The following ERO1B variants were observed in gnomAD, a reference collection of about 807,000 sequenced individuals.
ERO1B encodes ERO1-like protein beta.
In ERO1B, 49 loss-of-function variants were observed where a neutral mutation model predicts 75.3. That is an observed-to-expected ratio of 0.65 (90% confidence interval 0.52 to 0.83). The LOEUF (loss-of-function observed/expected upper bound fraction) is 0.83. Ranked by LOEUF, ERO1B falls within the 40% of genes least tolerant of loss-of-function variation. ERO1B has a pLI of 0.00. For synonymous variants in ERO1B, 191 were observed against 192.9 expected (o/e 0.99, Z 0.08); for missense variants, 512 against 560.1 (o/e 0.91, Z 0.87).
intron 2 of ERO1B, among the ~76,000 whole-genome samples, chr1:236,260,102 C>CA (rs35755393): frequency 0.25 from 37,570 of 151,428 alleles, 4,806 homozygotes; most frequent in East Asian, 0.38. Flanking sequence ...TAAAGATAAA[C>CA]AAATAGACAA....
chr1:236,251,035 G>T (rs151037674), intron 4 of ERO1B, among the ~76,000 whole-genome samples: 141 of 152,180 alleles, frequency 9.3e-4, no homozygotes, highest in African/African-American at 3.2e-3. Flanking sequence ...TCCATCAATA[G>T]AGGAATGGCT....
At chr1:236,259,147 A>T (rs1381649270) in intron 2 of ERO1B, among the ~76,000 whole-genome samples, 3 of 152,242 alleles carry the variant, frequency 2.0e-5, no homozygotes, top group Admixed American at 6.5e-5. Context: ...GCAAGTGATC[A>T]AAGTTAAGTC....
chr1:236,273,182 G>A (rs1470194314), intron 1 of ERO1B, among the ~76,000 whole-genome samples: 1 of 152,140 alleles, frequency 6.6e-6, no homozygotes, highest in Non-Finnish European at 1.5e-5. Flanking sequence ...GTCAGAGAGA[G>A]ACTGGAAGAT....
intron 5 of ERO1B, among the ~76,000 whole-genome samples, chr1:236,246,348 T>C (rs1361620649): frequency 2.6e-5 from 4 of 151,984 alleles, no homozygotes; most frequent in Non-Finnish European, 5.9e-5. Context: ...TTTTTTTTAA[T>C]TTTTTGTAGA....
Position 236,230,153 on chromosome 1 carries a change from T to C in ERO1B, c.712+71A>G, listed in dbSNP as rs1664368975. 3 of 1,294,322 alleles carry C rather than the reference T, an allele frequency of 2.3e-6. No individual in the cohort carries two copies. In the African/African-American group the frequency reaches 4.5e-5, roughly 20 times the overall value. The allele number at this position is 1,294,322 out of a possible 1,614,324, so 80.2% of individuals were successfully genotyped here. ...TGACTAGGTAATAAAATCCTAGACCTTACAAAAATATGCTAAATAAATCAG... is the reference window on the plus strand; with the variant it reads ...TGACTAGGTAATAAAATCCTAGACCCTACAAAAATATGCTAAATAAATCAG... On this transcript the variant is annotated intron_variant, in intron 10 of 15. Coordinates refer to ENST00000354619, the MANE Select transcript of ERO1B (RefSeq NM_019891.4).
intron 8 of ERO1B, among the ~76,000 whole-genome samples, chr1:236,235,238 C>T (rs894556508): frequency 2.6e-5 from 4 of 152,160 alleles, no homozygotes; most frequent in Admixed American, 2.6e-4. Flanking sequence ...CATGAGTCGG[C>T]ACCTGAGGCA....
At chr1:236,240,914 G>C (rs1273165935) in intron 6 of ERO1B, among the ~76,000 whole-genome samples, 1 of 152,144 alleles carries the variant, frequency 6.6e-6, no homozygotes, top group African/African-American at 2.4e-5. Context: ...AGCGAGATGA[G>C]AGCAGGCTTT....
In ERO1B at chr1:236,267,051, C is replaced by A. The variant is rs558009600; in HGVS notation, c.222+2824G>T. Among the ~76,000 whole-genome samples the A allele has an allele frequency of 5.9e-5, 9 of 152,338 alleles. No homozygotes were observed. In the East Asian group the frequency reaches 1.7e-3, roughly 29 times the overall value. The stretch of plus-strand genomic sequence containing the variant: ...GGGAAACAATGACTCCACTTTTACT[C>A]ATGCAAATGAGACTGTCAACCAAGG... On this transcript the variant is annotated intron_variant, in intron 2 of 15. Coordinates refer to ENST00000354619, the MANE Select transcript of ERO1B (RefSeq NM_019891.4).
chr1:236,242,284 T>C, intron 6 of ERO1B, among the ~76,000 whole-genome samples: 1 of 152,178 alleles, frequency 6.6e-6, no homozygotes, highest in East Asian at 1.9e-4. Flanking sequence ...ATGGACAATT[T>C]AGAAATAAAT....
intron 2 of ERO1B, among the ~76,000 whole-genome samples, chr1:236,256,823 G>C (rs1181387788): frequency 6.6e-6 from 1 of 151,946 alleles, no homozygotes; most frequent in African/African-American, 2.4e-5. Context: ...GGGAGTTGAT[G>C]AAGCCCTACA....
intron 1 of ERO1B, among the ~76,000 whole-genome samples, chr1:236,280,594 G>A (rs1293737235): frequency 6.6e-6 from 1 of 152,138 alleles, no homozygotes; most frequent in Non-Finnish European, 1.5e-5. Context: ...TTATTTTTAT[G>A]GTTCAAACAC....
intron 1 of ERO1B, among the ~76,000 whole-genome samples, chr1:236,272,143 T>C (rs1468214738): frequency 1.3e-5 from 2 of 152,174 alleles, no homozygotes; most frequent in Non-Finnish European, 2.9e-5. Context: ...AAAAACAATA[T>C]GGAGATTTAT....
intron 2 of ERO1B, among the ~76,000 whole-genome samples, chr1:236,257,987 GA>G (rs1474216694): frequency 6.7e-6 from 1 of 149,890 alleles, no homozygotes; most frequent in Non-Finnish European, 1.5e-5. Context: ...AGAAGAAAGA[GA>G]AAAAGGGACA....
At chr1:236,238,168 C>T (rs1052514749) in intron 6 of ERO1B, among the ~76,000 whole-genome samples, 4 of 152,052 alleles carry the variant, frequency 2.6e-5, no homozygotes, top group Admixed American at 6.6e-5. Context: ...ATAACTTAGA[C>T]AATGGAAACA....
At chr1:236,269,485 A>G (rs1047247483) in intron 2 of ERO1B, among the ~76,000 whole-genome samples, 4 of 152,188 alleles carry the variant, frequency 2.6e-5, no homozygotes, top group African/African-American at 9.7e-5. Flanking sequence ...AAAGAGGTCC[A>G]ACAAAGATGC....
At chr1:236,251,835 G>A (rs1007457431) in intron 4 of ERO1B, among the ~76,000 whole-genome samples, 3 of 152,132 alleles carry the variant, frequency 2.0e-5, no homozygotes, top group African/African-American at 7.2e-5. Context: ...AGTTGTTCCA[G>A]AGATTCCAAA....
chr1:236,273,838 C>T (rs1665653568), intron 1 of ERO1B, among the ~76,000 whole-genome samples: 2 of 149,218 alleles, frequency 1.3e-5, no homozygotes, highest in South Asian at 4.2e-4. Context: ...AAAAGAGTTT[C>T]TCCAGGTTAT....
At chr1:236,237,099 G>C (rs564499669) in intron 6 of ERO1B, among the ~76,000 whole-genome samples, 5 of 146,436 alleles carry the variant, frequency 3.4e-5, no homozygotes, top group Non-Finnish European at 7.5e-5. Flanking sequence ...TATTTACCCC[G>C]ATCTCCACTA....
Position 236,269,973 on chromosome 1 carries a change from A to C in ERO1B, c.124T>G (p.Cys42Gly). The change falls in exon 2 of 16, where the codon TGC becomes GGC. Residue 42 changes from cysteine (C) to glycine (G), a missense_variant. Cys to Gly is a radical substitution (Grantham distance 159). Transcript: ENST00000354619. ...EAQVTGVLDD[C>G]LCDIDSIDNF... ...TCGATGCTGTCAATATCACACAAGCAATCATCCAGAACTCCAGTGACCTAG... is the reference window on the plus strand; with the variant it reads ...TCGATGCTGTCAATATCACACAAGCCATCATCCAGAACTCCAGTGACCTAG... 1.2e-6 allele frequency: 2 copies of C among 1,601,278 alleles called. No individual in the cohort carries two copies. The highest frequency in any genetic ancestry group is 1.7e-6 in the Non-Finnish European group (2 of 1,169,780).
Sources: allele counts gnomAD v4.1 joint callset (sites outside exome capture counted in the v4.1 genomes callset), GRCh38; gene constraint gnomAD v4.1.1; transcripts MANE v1.5; gene names NCBI Gene and HGNC (gene_info 2026-07-23, HGNC 2026-07-21).